KCNIP3: variants seen among roughly 807,000 people sequenced by gnomAD.
KCNIP3 encodes the protein potassium voltage-gated channel interacting protein 3.
In KCNIP3, 28 loss-of-function variants were observed where a neutral mutation model predicts 35.0. That is an observed-to-expected ratio of 0.80 (90% CI 0.59 to 1.10). The LOEUF (loss-of-function observed/expected upper bound fraction) is 1.10. KCNIP3 is among the 50% of genes least tolerant of loss of function. The pLI, the probability that KCNIP3 is intolerant of heterozygous loss-of-function variation, is 0.00. For synonymous variants in KCNIP3, 134 were observed against 133.8 expected (o/e 1.00, Z -0.01); for missense variants, 295 against 338.4 (o/e 0.87, Z 1.01).
chr2:95,313,840 G>C (rs561402119), intron 2 of KCNIP3: 1 of 152,126 alleles, frequency 6.6e-6, no homozygotes, highest in Non-Finnish European at 1.5e-5. Context: ...GGAGATGCCT[G>C]GCATCCTGGA....
rs1161157692 is a variant in KCNIP3, at chr2:95,378,511, G to C, written c.448-3085G>C. ...GCACTTTGAGAGGCCAAGGCGGTCA[G>C]ATCACCTGAGGTCAGGAGTTTGAGA... On this transcript the variant is annotated intron_variant, in intron 5 of 8. Transcript: ENST00000295225. The surrounding 1 kb of genome is among the most constrained non-coding windows in gnomAD (Gnocchi z 4.0). Among the ~76,000 whole-genome samples the C allele has an allele frequency of 6.6e-6, 1 of 151,068 alleles. No individual in the cohort carries two copies. The highest frequency in any genetic ancestry group is 2.0e-4 in the East Asian group (1 of 5,110).
intron 2 of KCNIP3, among the ~76,000 whole-genome samples, chr2:95,349,125 G>A (rs1303412635): frequency 1.3e-5 from 2 of 152,064 alleles, no homozygotes; most frequent in Non-Finnish European, 2.9e-5. Context: ...GGCGTCGTGA[G>A]TTCCAGATGT....
chr2:95,327,689 C>G (rs78694431), intron 2 of KCNIP3, among the ~76,000 whole-genome samples: 2 of 152,188 alleles, frequency 1.3e-5, no homozygotes, highest in African/African-American at 2.4e-5. Flanking sequence ...CTGCAGGGGG[C>G]GTCACCATCG....
intron 2 of KCNIP3, among the ~76,000 whole-genome samples, chr2:95,351,665 T>G (rs1425928405): frequency 6.6e-6 from 1 of 152,208 alleles, no homozygotes; most frequent in Non-Finnish European, 1.5e-5. Flanking sequence ...AAAACAAATT[T>G]ACTGTCGTAT....
rs541593768 is a variant in KCNIP3, at chr2:95,310,603, C to T, written c.181+83C>T. 7.3e-6 allele frequency: 11 copies of T among 1,497,138 alleles called. No individual in the cohort carries two copies. The South Asian group carries it at 1.0e-4, about 14-fold the overall frequency. 92.7% of individuals were successfully genotyped at this position (1,497,138 alleles called of 1,614,324 possible). A position where few individuals can be genotyped will look rare whatever the true frequency, so the allele number is the denominator to read the frequency against. On this transcript the variant is annotated intron_variant, in intron 2 of 8. Coordinates refer to ENST00000295225, the MANE Select transcript of KCNIP3 (RefSeq NM_013434.5). ...CTGTCCTTTCTGAGGGCTCAAAGGCCAGCCTGGGACCCCAGCCTGGGCTAC... is the reference window on the plus strand; with the variant it reads ...CTGTCCTTTCTGAGGGCTCAAAGGCTAGCCTGGGACCCCAGCCTGGGCTAC...
At chr2:95,373,370 C>T (rs1023975708) in intron 2 of KCNIP3, among the ~76,000 whole-genome samples, 1 of 150,242 alleles carries the variant, frequency 6.7e-6, no homozygotes, top group African/African-American at 2.5e-5. Flanking sequence ...CCTGAAATTG[C>T]ACCTCCCCCT....
intron 2 of KCNIP3, among the ~76,000 whole-genome samples, chr2:95,349,977 C>T (rs1467418658): frequency 6.6e-6 from 1 of 152,182 alleles, no homozygotes; most frequent in Non-Finnish European, 1.5e-5. Context: ...CCATGTTTAA[C>T]ACAGTGGGGT....
At chr2:95,301,981 G>T (rs985191189) in intron 1 of KCNIP3, among the ~76,000 whole-genome samples, 27 of 152,146 alleles carry the variant, frequency 1.8e-4, no homozygotes, top group African/African-American at 6.5e-4. Flanking sequence ...CCCCCGACAA[G>T]GCGAGCTGCC....
chr2:95,339,597 T>C (rs1468740137), intron 2 of KCNIP3, among the ~76,000 whole-genome samples: 1 of 150,946 alleles, frequency 6.6e-6, no homozygotes, highest in Non-Finnish European at 1.5e-5. Context: ...AAAAAAAAGA[T>C]TGAAAATAAT....
chr2:95,299,830 A>G (rs996576028), intron 1 of KCNIP3, among the ~76,000 whole-genome samples: 2 of 152,262 alleles, frequency 1.3e-5, no homozygotes, highest in Admixed American at 6.5e-5. Flanking sequence ...TCAGCCCTCC[A>G]GGTAGAGCCC....
chr2:95,342,839 AC>A (rs1403944762), intron 2 of KCNIP3, among the ~76,000 whole-genome samples: 2 of 152,188 alleles, frequency 1.3e-5, no homozygotes, highest in African/African-American at 4.8e-5. Context: ...AGAGAAATTG[AC>A]ACTGATTGAG....
chr2:95,347,089 C>T (rs746540890), intron 2 of KCNIP3: 3 of 1,612,018 alleles, frequency 1.9e-6, no homozygotes, highest in Non-Finnish European at 2.5e-6. Flanking sequence ...CGTCCTCAAG[C>T]AGTTCGGCAT....
chr2:95,309,511 T>C (rs1678259959), intron 1 of KCNIP3, among the ~76,000 whole-genome samples: 1 of 151,408 alleles, frequency 6.6e-6, no homozygotes, highest in Non-Finnish European at 1.5e-5. Flanking sequence ...GTAACCTCCG[T>C]CTCCCGGGCT....
At chr2:95,366,572 G>A (rs1306972386) in intron 2 of KCNIP3, among the ~76,000 whole-genome samples, 1 of 152,096 alleles carries the variant, frequency 6.6e-6, no homozygotes, top group Non-Finnish European at 1.5e-5. Flanking sequence ...GGTCTTATGG[G>A]AAGAGCCTCT....
intron 1 of KCNIP3, among the ~76,000 whole-genome samples, chr2:95,301,869 T>TGTGA (rs1678039845): frequency 6.6e-6 from 1 of 152,098 alleles, no homozygotes; most frequent in Non-Finnish European, 1.5e-5. Context: ...TGTGTGTGTG[T>TGTGA]GTGTGTGCGC....
intron 2 of KCNIP3, 90 bp downstream of exon 2, chr2:95,310,610 G>C (rs766179180): frequency 6.9e-7 from 1 of 1,458,108 alleles, no homozygotes; most frequent in South Asian, 1.2e-5. Flanking sequence ...GGCCAGCCTG[G>C]GACCCCAGCC....
chr2:95,351,523 A>G (rs1323613238), intron 2 of KCNIP3, among the ~76,000 whole-genome samples: 2 of 152,228 alleles, frequency 1.3e-5, no homozygotes, highest in African/African-American at 2.4e-5. Flanking sequence ...GTGGCCATCT[A>G]TTGAGATGGG....
At chr2:95,329,868 T>C (rs1678883745) in intron 2 of KCNIP3, among the ~76,000 whole-genome samples, 1 of 152,258 alleles carries the variant, frequency 6.6e-6, no homozygotes, top group South Asian at 2.1e-4. Flanking sequence ...CCTGCGCGTC[T>C]TTAATAATTC....
chr2:95,324,271 G>A (rs1214691573), intron 2 of KCNIP3, among the ~76,000 whole-genome samples: 1 of 152,182 alleles, frequency 6.6e-6, no homozygotes, highest in Admixed American at 6.5e-5. Flanking sequence ...CAGCACTTTG[G>A]GAGGCCGAGG....
Sources: allele counts gnomAD v4.1 joint callset (sites outside exome capture counted in the v4.1 genomes callset), GRCh38; gene constraint gnomAD v4.1.1; non-coding constraint Gnocchi (gnomAD v3.1); transcripts MANE v1.5; gene names NCBI Gene and HGNC (gene_info 2026-07-23, HGNC 2026-07-21).